DYRK1A: variants seen among roughly 807,000 people sequenced by gnomAD.
DYRK1A encodes the protein dual specificity tyrosine phosphorylation regulated kinase 1A, also known as dual specificity tyrosine-phosphorylation-regulated kinase 1A.
Under a neutral mutation model 79.7 loss-of-function variants are expected in DYRK1A, and 9 were observed. The observed-to-expected ratio is 0.11, with a 90% CI of 0.07 to 0.20. The LOEUF (loss-of-function observed/expected upper bound fraction) is 0.20. DYRK1A is among the 10% of genes least tolerant of loss of function. The probability of loss-of-function intolerance (pLI) is 1.00; values close to 1 mark genes in which losing one functional copy is unlikely to be tolerated. For missense variants in DYRK1A, 622 were observed against 956.0 expected, an observed-to-expected ratio of 0.65 and a Z score of 4.61; for synonymous variants, 349 against 329.7, an observed-to-expected ratio of 1.06 and a Z score of -0.63.
intron 1 of DYRK1A, among the ~76,000 whole-genome samples, chr21:37,413,107 AG>A (rs1398538604): frequency 6.6e-6 from 1 of 152,178 alleles, no homozygotes; most frequent in African/African-American, 2.4e-5. Flanking sequence ...AGAATTTTTA[AG>A]GGGGTAGCAT....
At chr21:37,366,555 C>G (rs1403616255), upstream of DYRK1A, among the ~76,000 whole-genome samples, 5 of 151,518 alleles carry the variant, frequency 3.3e-5, no homozygotes, top group African/African-American at 1.2e-4. Context: ...GCGCCCTCCT[C>G]TGACACTCGT....
At chr21:37,401,598 T>C (rs1302332455) in intron 1 of DYRK1A, among the ~76,000 whole-genome samples, 1 of 151,542 alleles carries the variant, frequency 6.6e-6, no homozygotes, top group Non-Finnish European at 1.5e-5. Flanking sequence ...TTCTCCTTTC[T>C]CACCCTCCTG....
chr21:37,515,828 G>A lies in DYRK1A; in HGVS notation c.*3297G>A, dbSNP rs1569412259. 6.7e-6 allele frequency: 1 copy of A among 149,946 alleles called. No homozygotes were observed. The allele number at this position is 149,946 out of a possible 1,614,324, so 9.3% of individuals were successfully genotyped here. ...TTTTACCTAGGCACATGGATATTGG[G>A]CTGAAAAAAAAAAACCGACATTTTT... On this transcript the variant is annotated 3_prime_UTR_variant, in exon 12 of 12. Transcript: ENST00000647188.
chr21:37,472,944 A>G, intron 3 of DYRK1A, 64 bp downstream of exon 3: 1 of 1,287,594 alleles, frequency 7.8e-7, no homozygotes, highest in Non-Finnish European at 1.0e-6. Flanking sequence ...AAATGTTGGA[A>G]TACTAAGTAG....
intron 2 of DYRK1A, among the ~76,000 whole-genome samples, chr21:37,471,864 T>C (rs2052236841): frequency 1.3e-5 from 2 of 152,284 alleles, no homozygotes; most frequent in East Asian, 3.9e-4. Context: ...TTGACCAAGG[T>C]TTTAGGCTTT....
intron 6 of DYRK1A, chr21:37,488,423 G>A (rs910560723): frequency 2.1e-5 from 15 of 705,706 alleles, no homozygotes; most frequent in Non-Finnish European, 2.4e-5. Context: ...GATTTATTCT[G>A]ATGAGTTTTA....
Position 37,519,304 on chromosome 21 carries a change from T to A in DYRK1A, c.*6773T>A, listed in dbSNP as rs1486493650. On this transcript the variant is annotated 3_prime_UTR_variant, in exon 12 of 12. Coordinates refer to ENST00000647188, the MANE Select transcript of DYRK1A (RefSeq NM_001347721.2). ...TCCCTCTCTAGAATCCCAAAGAGGTTCAGATCCCACTGCTCCTCTCATTGG... is the reference window on the plus strand; with the variant it reads ...TCCCTCTCTAGAATCCCAAAGAGGTACAGATCCCACTGCTCCTCTCATTGG... The A allele has an allele frequency of 2.6e-5, 4 of 152,234 alleles. No homozygotes were observed. Among genetic ancestry groups the A allele is most frequent in the Non-Finnish European group, 4.4e-5 (3 of 68,066 alleles). 9.4% of individuals were successfully genotyped at this position (152,234 alleles called of 1,614,324 possible). A position where few individuals can be genotyped will look rare whatever the true frequency, so the allele number is the denominator to read the frequency against.
intron 6 of DYRK1A, chr21:37,488,237 A>C: frequency 2.0e-6 from 1 of 512,502 alleles, no homozygotes; most frequent in Non-Finnish European, 2.5e-6. Context: ...TTAAATTCTT[A>C]TTTCAGAAGA....
intron 1 of DYRK1A, among the ~76,000 whole-genome samples, chr21:37,401,697 G>A (rs1405695386): frequency 2.0e-5 from 3 of 152,032 alleles, no homozygotes; most frequent in South Asian, 2.1e-4. Flanking sequence ...TGGCCAGGCT[G>A]GTCTCGAACT....
chr21:37,441,683 C>T (rs1412266606), intron 2 of DYRK1A, among the ~76,000 whole-genome samples: 1 of 151,982 alleles, frequency 6.6e-6, no homozygotes, highest in Non-Finnish European at 1.5e-5. Flanking sequence ...TACTACTGTC[C>T]TTTTTACTGA....
chr21:37,418,059 T>C (rs370967512), intron 1 of DYRK1A, among the ~76,000 whole-genome samples: 1 of 152,220 alleles, frequency 6.6e-6, no homozygotes, highest in South Asian at 2.1e-4. Context: ...CTGTAGCTTA[T>C]CTGCAAAGCA....
At position 37,514,357 on chromosome 21, in the gene DYRK1A, T is replaced by C. The variant is rs901905475; in HGVS notation, c.*1826T>C. The stretch of plus-strand genomic sequence containing the variant: ...GACCAATTTTGGGGTGTGACACTTT[T>C]GAGCGGTTGAATTGGGAGAATGAAG... On this transcript the variant is annotated 3_prime_UTR_variant, in exon 12 of 12. Coordinates refer to ENST00000647188, the MANE Select transcript of DYRK1A (RefSeq NM_001347721.2). 5 of 152,674 alleles carry C rather than the reference T, an allele frequency of 3.3e-5. No homozygotes were observed. Among genetic ancestry groups the C allele is most frequent in the Admixed American group, 1.3e-4 (2 of 15,278 alleles). The allele number at this position is 152,674 out of a possible 1,614,324, so 9.5% of individuals were successfully genotyped here.
intron 1 of DYRK1A, among the ~76,000 whole-genome samples, chr21:37,395,909 A>T (rs1282800686): frequency 6.6e-6 from 1 of 152,230 alleles, no homozygotes; most frequent in African/African-American, 2.4e-5. Context: ...GGCACTGTAT[A>T]CTGAAAACTC....
In DYRK1A at chr21:37,448,529, T is replaced by G. The variant is rs573067812; in HGVS notation, c.11-24155T>G. 4.6e-5 allele frequency among the ~76,000 whole-genome samples: 7 copies of G among 152,322 alleles called. No individual in the cohort carries two copies. In the South Asian group the frequency reaches 1.4e-3, roughly 32 times the overall value. ...TTTTTATAACATAACTTTGTTTTTA[T>G]AATAATTTGTGGGAAAATAGGAAGG... On this transcript the variant is annotated intron_variant, in intron 2 of 11. Transcript: ENST00000647188.
intron 10 of DYRK1A, 64 bp from the exon 11 acceptor site, chr21:37,506,035 T>C (rs1210201791): frequency 6.5e-7 from 1 of 1,542,566 alleles, no homozygotes; most frequent in Non-Finnish European, 8.8e-7. Flanking sequence ...AGCTTCAGAG[T>C]ATAAATTTGA....
intron 1 of DYRK1A, among the ~76,000 whole-genome samples, chr21:37,384,567 A>G (rs1334286427): frequency 1.3e-5 from 2 of 152,028 alleles, no homozygotes; most frequent in African/African-American, 4.8e-5. Context: ...AGTGCCCAAC[A>G]TTCTTTAAAG....
intron 1 of DYRK1A, among the ~76,000 whole-genome samples, chr21:37,382,620 G>T (rs964784423): frequency 4.6e-5 from 7 of 152,016 alleles, no homozygotes; most frequent in Non-Finnish European, 1.0e-4. Context: ...TCTAAAAAAG[G>T]TATTCTTGTA....
At chr21:37,438,575 A>G (rs1261834425) in intron 2 of DYRK1A, among the ~76,000 whole-genome samples, 1 of 152,212 alleles carries the variant, frequency 6.6e-6, no homozygotes, top group Admixed American at 6.5e-5. Flanking sequence ...CCATTTGTCA[A>G]AAGGACTGTC....
intron 5 of DYRK1A, among the ~76,000 whole-genome samples, chr21:37,483,055 C>T (rs961106570): frequency 5.3e-5 from 8 of 151,926 alleles, no homozygotes; most frequent in African/African-American, 9.7e-5. Flanking sequence ...GGTCCTGAGG[C>T]GACATACATC....
Sources: allele counts gnomAD v4.1 joint callset (sites outside exome capture counted in the v4.1 genomes callset), GRCh38; gene constraint gnomAD v4.1.1; transcripts MANE v1.5; gene names NCBI Gene and HGNC (gene_info 2026-07-23, HGNC 2026-07-21).